The following TMCO1 variants were observed in gnomAD, a reference collection of about 807,000 sequenced individuals.
TMCO1 encodes transmembrane and coiled-coil domains 1.
TMCO1 carries 29 observed loss-of-function variants against 29.3 expected under a neutral mutation model. The observed-to-expected ratio is 0.99, with a 90% CI of 0.74 to 1.35. The LOEUF (loss-of-function observed/expected upper bound fraction) is 1.35. Among genes scored for constraint, TMCO1 ranks in the 40% most tolerant of loss-of-function variants. TMCO1 has a pLI of 0.00. For synonymous variants in TMCO1, 80 were observed against 77.1 expected, an observed-to-expected ratio of 1.04 and a Z score of -0.20; for missense variants, 173 against 225.5, an observed-to-expected ratio of 0.77 and a Z score of 1.49.
At chr1:165,732,495 CTCTCTCTCTCTATATA>C (rs1349447929) in intron 6 of TMCO1, among the ~76,000 whole-genome samples, 3 of 144,778 alleles carry the variant, frequency 2.1e-5, no homozygotes, top group Non-Finnish European at 4.5e-5. Context: ...CTCTCTCTCT[CTCTCTCTCTCTATATA>C]TATATATATA....
chr1:165,735,183 C>T (rs867745650), intron 6 of TMCO1, among the ~76,000 whole-genome samples: 1 of 152,108 alleles, frequency 6.6e-6, no homozygotes, highest in East Asian at 1.9e-4. Context: ...CTCTTTCTCC[C>T]GTATCTTTCC....
chr1:165,761,727 T>C (rs896990701), intron 2 of TMCO1, among the ~76,000 whole-genome samples: 1 of 151,862 alleles, frequency 6.6e-6, no homozygotes, highest in Admixed American at 6.6e-5. Context: ...GATGGGAAGA[T>C]CATTTCAGTT....
chr1:165,725,187 T>G, downstream of TMCO1: 1 of 451,840 alleles, frequency 2.2e-6, no homozygotes, highest in Non-Finnish European at 4.4e-6. Flanking sequence ...TACTTTTACT[T>G]AAAGGGCAGT....
chr1:165,756,904 T>C (rs1441321089), intron 3 of TMCO1, among the ~76,000 whole-genome samples: 6 of 151,650 alleles, frequency 4.0e-5, no homozygotes, highest in Admixed American at 3.9e-4. Flanking sequence ...TAAGAAAAAG[T>C]AAGGGTTAGA....
chr1:165,758,646 C>T (rs550228827), intron 3 of TMCO1, among the ~76,000 whole-genome samples: 1 of 152,258 alleles, frequency 6.6e-6, no homozygotes, highest in East Asian at 1.9e-4. Context: ...ATTTTCTGGT[C>T]TATTTTCCCT....
intron 6 of TMCO1, among the ~76,000 whole-genome samples, chr1:165,730,408 TGTTTAAA>T (rs1651108025): frequency 1.3e-5 from 2 of 152,122 alleles, no homozygotes; most frequent in Admixed American, 6.5e-5. Context: ...TACAACAGAA[TGTTTAAA>T]TATGGAGGAC....
chr1:165,757,160 T>C lies in TMCO1; in HGVS notation c.208+2365A>G, dbSNP rs147779422. On this transcript the variant is annotated intron_variant, in intron 3 of 6. Transcript: ENST00000367881. ...TACTTTTCCTGATATTGAAAACTAA[T>C]AGAAACAGTTTCCACAATTTCTTAT... Among the ~76,000 whole-genome samples the C allele has an allele frequency of 5.0e-3, 767 of 152,314 alleles. 9 individuals are homozygous for C. The highest frequency in any genetic ancestry group is 0.017 in the African/African-American group (686 of 41,574).
rs1230704450 is a variant in TMCO1 at position 165,768,677 on chromosome 1, C to G, written c.70+5G>C. On this transcript the variant is annotated splice_donor_5th_base_variant and intron_variant, in intron 1 of 6. Transcript: ENST00000367881. ...ATCAAACGTCTGAGAAATACCCGCT[C>G]TCACCCTCTGCGAGCAGAGCCGTGC... 2 of 1,614,014 alleles carry G rather than the reference C, an allele frequency of 1.2e-6. No homozygotes were observed. The highest frequency in any genetic ancestry group is 1.7e-6 in the Non-Finnish European group (2 of 1,180,030).
At chr1:165,766,740 C>T (rs1052088135) in intron 2 of TMCO1, among the ~76,000 whole-genome samples, 6 of 150,562 alleles carry the variant, frequency 4.0e-5, no homozygotes, top group African/African-American at 1.5e-4. Flanking sequence ...TGAGGGGTGA[C>T]AGAGTGAGAC....
At chr1:165,736,578 G>C (rs879795142) in intron 6 of TMCO1, among the ~76,000 whole-genome samples, 2 of 152,000 alleles carry the variant, frequency 1.3e-5, no homozygotes, top group Non-Finnish European at 1.5e-5. Flanking sequence ...AAAATTAGCC[G>C]GGCATGGTAG....
chr1:165,750,839 G>A (rs1651966691), intron 5 of TMCO1, among the ~76,000 whole-genome samples: 1 of 152,110 alleles, frequency 6.6e-6, no homozygotes, highest in Non-Finnish European at 1.5e-5. Context: ...GGAGGCCTGG[G>A]TGGGAGGATC....
At chr1:165,735,511 ATTTT>A (rs34062484) in intron 6 of TMCO1, among the ~76,000 whole-genome samples, 4 of 110,276 alleles carry the variant, frequency 3.6e-5, no homozygotes, top group African/African-American at 3.5e-5. Context: ...TCTCTGCTTA[ATTTT>A]TTTTTTTTTT....
chr1:165,731,040 C>G (rs1276495267), intron 6 of TMCO1, among the ~76,000 whole-genome samples: 4 of 151,960 alleles, frequency 2.6e-5, no homozygotes, highest in Non-Finnish European at 5.9e-5. Flanking sequence ...GCAGGGAATA[C>G]AGGGGCACAT....
Position 165,726,962 on chromosome 1 carries a change from A to C in TMCO1, c.*1061T>G, listed in dbSNP as rs1273648969. ...GTTGGTTTAACAATGATTACCTTGAAAATTATGTGTTTTTTCTCACTGGTA... is the reference window on the plus strand; with the variant it reads ...GTTGGTTTAACAATGATTACCTTGACAATTATGTGTTTTTTCTCACTGGTA... On this transcript the variant is annotated 3_prime_UTR_variant, in exon 7 of 7. Coordinates refer to ENST00000367881, the MANE Select transcript of TMCO1 (RefSeq NM_019026.6). 19 of 454,002 alleles carry C rather than the reference A, an allele frequency of 4.2e-5. No homozygotes were observed. The Admixed American group carries it at 4.2e-4, about 10-fold the overall frequency. The allele number at this position is 454,002 out of a possible 1,614,324, so 28.1% of individuals were successfully genotyped here. A position where few individuals can be genotyped will look rare whatever the true frequency, so the allele number is the denominator to read the frequency against.
chr1:165,750,398 G>A (rs1232289052), intron 5 of TMCO1, among the ~76,000 whole-genome samples: 1 of 151,730 alleles, frequency 6.6e-6, no homozygotes, highest in East Asian at 1.9e-4. Context: ...AAAATTAGCT[G>A]GGTGTGGTGG....
intron 6 of TMCO1, among the ~76,000 whole-genome samples, chr1:165,732,271 G>C (rs1344922045): frequency 2.0e-5 from 3 of 151,876 alleles, no homozygotes; most frequent in Non-Finnish European, 4.4e-5. Context: ...AGTTGATGTA[G>C]GGAGAGGTTA....
At chr1:165,729,778 C>T (rs1217497919) in intron 6 of TMCO1, among the ~76,000 whole-genome samples, 13 of 152,186 alleles carry the variant, frequency 8.5e-5, no homozygotes, top group Admixed American at 8.5e-4. Context: ...AGAATTTAAA[C>T]CTGTTGTGTT....
intron 6 of TMCO1, among the ~76,000 whole-genome samples, chr1:165,739,050 T>C (rs1571214733): frequency 6.6e-6 from 1 of 152,202 alleles, no homozygotes; most frequent in Non-Finnish European, 1.5e-5. Flanking sequence ...AAATAAAAAG[T>C]GTTAGTATAT....
intron 5 of TMCO1, among the ~76,000 whole-genome samples, chr1:165,751,585 T>C (rs1651994760): frequency 6.6e-6 from 1 of 151,858 alleles, no homozygotes; most frequent in African/African-American, 2.4e-5. Flanking sequence ...ATGCCTGTAG[T>C]ACCAGCTACT....
Sources: allele counts gnomAD v4.1 joint callset (sites outside exome capture counted in the v4.1 genomes callset), GRCh38; gene constraint gnomAD v4.1.1; transcripts MANE v1.5; gene names NCBI Gene and HGNC (gene_info 2026-07-23, HGNC 2026-07-21).